LUZP2: variants seen among roughly 807,000 people sequenced by gnomAD.
LUZP2 encodes the protein leucine zipper protein 2.
A neutral mutation model predicts 51.6 loss-of-function variants in LUZP2; 52 were observed. The ratio of observed to expected loss-of-function variants is 1.01; its 90% CI spans 0.81 to 1.27. The LOEUF (loss-of-function observed/expected upper bound fraction) is 1.27, where lower values mean the gene tolerates loss of function less well. Among genes scored for constraint, LUZP2 ranks in the 50% most tolerant of loss-of-function variants. The pLI, the probability that LUZP2 is intolerant of heterozygous loss-of-function variation, is 0.00. For synonymous variants in LUZP2, 154 were observed against 137.3 expected (o/e 1.12, Z -0.85); for missense variants, 436 against 395.4 (o/e 1.10, Z -0.87).
In LUZP2 at chr11:25,006,050, C is replaced by T. The variant is rs187539214; in HGVS notation, c.765+22757C>T. On this transcript the variant is annotated intron_variant, in intron 9 of 11. Coordinates refer to ENST00000336930, the MANE Select transcript of LUZP2 (RefSeq NM_001009909.4). ...TAGGAAGGATACAATTTCTGAGGCT[C>T]CCCATATCCCCTGCTTGTCTGAGAA... Among the ~76,000 whole-genome samples the T allele has an allele frequency of 4.4e-3, 677 of 152,158 alleles. 5 individuals carry two copies. The highest frequency in any genetic ancestry group is 6.4e-3 in the Non-Finnish European group (434 of 68,012).
chr11:25,027,841 G>A (rs1162627324), intron 9 of LUZP2, among the ~76,000 whole-genome samples: 1 of 146,726 alleles, frequency 6.8e-6, no homozygotes, highest in Non-Finnish European at 1.5e-5. Context: ...CTGCACTCCA[G>A]CCTGGGCGAA....
chr11:24,880,956 T>C (rs1037229927), intron 5 of LUZP2, among the ~76,000 whole-genome samples: 2 of 152,188 alleles, frequency 1.3e-5, no homozygotes, highest in African/African-American at 4.8e-5. Context: ...ACTCATAGCA[T>C]GGCAATAATT....
chr11:24,897,475 A>G (rs1447169256), intron 5 of LUZP2, among the ~76,000 whole-genome samples: 1 of 152,128 alleles, frequency 6.6e-6, no homozygotes, highest in Non-Finnish European at 1.5e-5. Flanking sequence ...ACCGGGAGGA[A>G]TGAACAACTC....
chr11:24,727,694 G>A (rs1005165588), intron 1 of LUZP2, among the ~76,000 whole-genome samples: 1 of 151,852 alleles, frequency 6.6e-6, no homozygotes, highest in African/African-American at 2.4e-5. Context: ...TGGAAATTTG[G>A]GGCATTAATA....
intron 7 of LUZP2, among the ~76,000 whole-genome samples, chr11:24,923,137 C>A (rs928217680): frequency 6.6e-6 from 1 of 151,806 alleles, no homozygotes; most frequent in Admixed American, 6.6e-5. Flanking sequence ...CGTGAGCCAC[C>A]GCGCCCGGCC....
chr11:24,821,827 CA>C (rs1238114098), intron 5 of LUZP2, among the ~76,000 whole-genome samples: 1 of 151,288 alleles, frequency 6.6e-6, no homozygotes, highest in East Asian at 1.9e-4. Flanking sequence ...ACAGTCCTTC[CA>C]AACCTTTTTC....
At chr11:24,751,471 C>A (rs1859585722) in intron 4 of LUZP2, 1 of 424,508 alleles carries the variant, frequency 2.4e-6, no homozygotes, top group Non-Finnish European at 3.2e-6. Flanking sequence ...ATGGCAACAG[C>A]TCAGGCCTCT....
At chr11:24,687,985 C>CTCTCTT (rs1856945973) in intron 1 of LUZP2, among the ~76,000 whole-genome samples, 1 of 152,090 alleles carries the variant, frequency 6.6e-6, no homozygotes, top group Non-Finnish European at 1.5e-5. Context: ...TTCACTAAGT[C>CTCTCTT]TCTCTTTCTC....
At chr11:24,889,583 C>T (rs1380969733) in intron 5 of LUZP2, among the ~76,000 whole-genome samples, 4 of 152,130 alleles carry the variant, frequency 2.6e-5, no homozygotes, top group Non-Finnish European at 5.9e-5. Context: ...TTTCAGTGTC[C>T]TGTGCCACCA....
In LUZP2 at chr11:24,784,894, C is replaced by T. The variant is rs527712189; in HGVS notation, c.396+21586C>T. 1.6e-4 allele frequency among the ~76,000 whole-genome samples: 24 copies of T among 152,146 alleles called. No homozygotes were observed. The South Asian group carries it at 4.8e-3, about 30-fold the overall frequency. ...TGCATATATTTTCTATGCCTAATCA[C>T]ATGCTGTACATGTAAATACATACAT... On this transcript the variant is annotated intron_variant, in intron 5 of 11. Coordinates refer to ENST00000336930, the MANE Select transcript of LUZP2 (RefSeq NM_001009909.4).
At chr11:24,976,972 T>C (rs1197168523) in intron 8 of LUZP2, among the ~76,000 whole-genome samples, 1 of 151,748 alleles carries the variant, frequency 6.6e-6, no homozygotes, top group African/African-American at 2.4e-5. Context: ...AAGCATCAAC[T>C]AAGGCACTAT....
chr11:25,014,080 C>T (rs999246539), intron 9 of LUZP2, among the ~76,000 whole-genome samples: 1 of 152,154 alleles, frequency 6.6e-6, no homozygotes, highest in African/African-American at 2.4e-5. Flanking sequence ...GACATGAACT[C>T]ATCCTTTTTT....
At chr11:24,741,922 TTA>T (rs1456882941) in intron 4 of LUZP2, among the ~76,000 whole-genome samples, 1 of 18,004 alleles carries the variant, frequency 5.6e-5, no homozygotes, top group Non-Finnish European at 1.8e-4. Context: ...ATATATACAT[TTA>T]TATATTATAT....
intron 1 of LUZP2, among the ~76,000 whole-genome samples, chr11:24,498,396 C>G (rs545131956): frequency 1.3e-5 from 2 of 151,094 alleles, no homozygotes; most frequent in Non-Finnish European, 3.0e-5. Context: ...CTGTAAAATT[C>G]TTGATTCCGT....
At chr11:24,650,001 A>ACACG (rs1441880701) in intron 1 of LUZP2, among the ~76,000 whole-genome samples, 3 of 151,590 alleles carry the variant, frequency 2.0e-5, no homozygotes, top group African/African-American at 7.3e-5. Flanking sequence ...ACACACACAC[A>ACACG]CACACAGATA....
chr11:24,716,406 CATG>C (rs1858044789), intron 1 of LUZP2, among the ~76,000 whole-genome samples: 1 of 152,018 alleles, frequency 6.6e-6, no homozygotes, highest in African/African-American at 2.4e-5. Context: ...AAGACTATTC[CATG>C]ATAAGTGAGT....
intron 10 of LUZP2, among the ~76,000 whole-genome samples, chr11:25,061,935 A>G (rs1156440493): frequency 2.0e-5 from 3 of 152,132 alleles, no homozygotes; most frequent in Admixed American, 6.5e-5. Context: ...GCACTTTTCA[A>G]ATTTAAATGT....
rs188079545 is a variant in LUZP2, at chr11:24,696,480, C to T, written c.63-32689C>T. ...CAATTACCTATATATAATCAAACTC[C>T]GATGCTTTCAAAAATTGTATCTTTC... is the stretch of plus-strand genomic sequence containing the variant. On this transcript the variant is annotated intron_variant, in intron 1 of 11. Coordinates refer to ENST00000336930, the MANE Select transcript of LUZP2 (RefSeq NM_001009909.4). Among the ~76,000 whole-genome samples the T allele has an allele frequency of 7.4e-4, 113 of 151,992 alleles. No homozygotes were observed. The East Asian group carries it at 9.9e-3, about 13-fold the overall frequency.
chr11:24,926,361 GTA>G (rs768484680), intron 7 of LUZP2, among the ~76,000 whole-genome samples: 636 of 57,354 alleles, frequency 0.011, 103 homozygotes, highest in African/African-American at 0.042. Flanking sequence ...ATATACGTGT[GTA>G]TATATATATA....
Sources: gnomAD v4.1 joint callset for allele counts (sites outside exome capture counted in the v4.1 genomes callset) on GRCh38, gnomAD v4.1.1 for gene constraint, MANE v1.5 for transcripts, NCBI Gene and HGNC (gene_info 2026-07-23, HGNC 2026-07-21) for gene names.